The following SMG9 variants were observed in gnomAD, a reference collection of about 807,000 sequenced individuals.
The protein encoded by SMG9 is SMG9 nonsense mediated mRNA decay factor.
A neutral mutation model predicts 64.0 loss-of-function variants in SMG9; 55 were observed. The ratio of observed to expected loss-of-function variants is 0.86; its 90% CI spans 0.69 to 1.08. SMG9 has a LOEUF of 1.08. Among genes scored for constraint, SMG9 ranks in the 50% least tolerant of loss-of-function variants. The pLI is 0.00. For missense variants in SMG9, 554 were observed against 681.3 expected (o/e 0.81, Z 2.08); for synonymous variants, 244 against 254.8 (o/e 0.96, Z 0.41).
chr19:43,734,395 G>C lies in SMG9; in HGVS notation c.1096C>G (p.His366Asp). 1 of 1,553,312 alleles carries C rather than the reference G, an allele frequency of 6.4e-7. No individual in the cohort carries two copies. The highest frequency in any genetic ancestry group is 8.7e-7 in the Non-Finnish European group (1 of 1,147,690). Residue 366 changes from histidine (H) to aspartate (D), a missense_variant, in exon 10 of 14, where the codon CAC (histidine) becomes GAC (aspartate). By Grantham distance (81) the His-to-Asp change is moderately conservative. Coordinates refer to ENST00000270066, the MANE Select transcript of SMG9 (RefSeq NM_019108.4). ...TCCCCAGAAAGCCTCTCACCTAGGT[G>C]GGGGTAGTACTCGGTGCCTTCATCG... ...GSDEGTEYYP[H>D]LVFLQNKARR...
At chr19:43,732,794 G>T in intron 13 of SMG9, 64 bp downstream of exon 13, 1 of 1,593,634 alleles carries the variant, frequency 6.3e-7, no homozygotes. Context: ...TCTAAGGGAC[G>T]CCCCCTTCTC....
At position 43,754,702 on chromosome 19, in the gene SMG9, T is replaced by C. The variant is rs1274738804; in HGVS notation, c.-55A>G. The C allele has an allele frequency of 6.6e-6, 1 of 151,894 alleles. No individual in the cohort carries two copies. Among genetic ancestry groups the C allele is most frequent in the Non-Finnish European group, 1.5e-5 (1 of 67,980 alleles). The allele number at this position is 151,894 out of a possible 1,614,324, so 9.4% of individuals were successfully genotyped here. On this transcript the variant is annotated 5_prime_UTR_variant, in exon 1 of 14. Coordinates refer to ENST00000270066, the MANE Select transcript of SMG9 (RefSeq NM_019108.4). Reference sequence around the variant, plus strand: ...TCGGGGCGCGGTGTGCGCTCTCCCGTGACGGGAGTCGGGTGGGGGCGGGGA... The same window carrying C: ...TCGGGGCGCGGTGTGCGCTCTCCCGCGACGGGAGTCGGGTGGGGGCGGGGA...
In SMG9 at chr19:43,729,532, GC is replaced by G. The variant is rs1968405319; in HGVS notation, c.*2063del. 6.6e-6 allele frequency: 1 copy of G among 152,330 alleles called. No individual in the cohort carries two copies. The highest frequency in any genetic ancestry group is 1.5e-5 in the Non-Finnish European group (1 of 68,116). 9.4% of individuals were successfully genotyped at this position (152,330 alleles called of 1,614,324 possible). A position where few individuals can be genotyped will look rare whatever the true frequency, so the allele number is the denominator to read the frequency against. On this transcript the variant is annotated 3_prime_UTR_variant, in exon 14 of 14. Transcript: ENST00000270066. The stretch of plus-strand genomic sequence containing the variant: ...AGGGGCTGGGATGGAAGAAACTGAA[GC>G]TCCAACTCTCCTGGACTGAGTTGCA...
rs2146401347 is a variant in SMG9 at position 43,747,857 on chromosome 19, G to A, written c.266C>T (p.Pro89Leu). 3.1e-6 allele frequency: 5 copies of A among 1,608,204 alleles called. No individual in the cohort carries two copies. Among genetic ancestry groups the A allele is most frequent in the Middle Eastern group, 3.3e-4 (2 of 6,018 alleles). ...GGGCTTCTCCAGAGGGGCTGGAGCA[G>A]GCGGGGCAGCAGGGGCTGTTGGAGG... is the stretch of plus-strand genomic sequence containing the variant. ...PPPPTAPAAP[P>L]APAPLEKPIV... The change falls in exon 4 of 14, where the codon CCT becomes CTT. Residue 89 changes from proline (P) to leucine (L), a missense_variant. Pro to Leu is a moderately conservative substitution (Grantham distance 98, BLOSUM62 -3). Transcript: ENST00000270066.
chr19:43,742,372 C>A (rs1316880004), intron 6 of SMG9, among the ~76,000 whole-genome samples: 1 of 152,040 alleles, frequency 6.6e-6, no homozygotes, highest in Non-Finnish European at 1.5e-5. Flanking sequence ...CAGGTCAAGG[C>A]TGCAGTGAAG....
intron 6 of SMG9, 85 bp from the exon 7 acceptor site, chr19:43,740,303 A>T: frequency 7.8e-5 from 69 of 889,864 alleles, no homozygotes; most frequent in Non-Finnish European, 9.2e-5. Context: ...TGAGCTGAGC[A>T]TGTGAGCCGT....
chr19:43,728,556 A>C lies in SMG9; in HGVS notation c.*3040T>G, dbSNP rs184968685. The C allele has an allele frequency of 2.0e-5, 3 of 152,332 alleles. No individual in the cohort carries two copies. The East Asian group carries it at 5.8e-4, about 29-fold the overall frequency. The allele number at this position is 152,332 out of a possible 1,614,324, so 9.4% of individuals were successfully genotyped here. On this transcript the variant is annotated 3_prime_UTR_variant, in exon 14 of 14. Transcript: ENST00000270066. Reference sequence around the variant, plus strand: ...CTAAAACAGACACCATTATGAACTCAATTAATCACCACAACACCCCTAGGA... The same window carrying C: ...CTAAAACAGACACCATTATGAACTCCATTAATCACCACAACACCCCTAGGA...
intron 6 of SMG9, among the ~76,000 whole-genome samples, chr19:43,742,040 C>T (rs1170576671): frequency 5.9e-5 from 9 of 152,040 alleles, no homozygotes; most frequent in African/African-American, 2.2e-4. Context: ...CCCAGCTACT[C>T]GGGAGGCTGA....
chr19:43,752,911 A>AT lies in SMG9; in HGVS notation c.-7+1742_-7+1743insA, dbSNP rs1969233110. Among the ~76,000 whole-genome samples the AT allele has an allele frequency of 2.6e-5, 4 of 151,214 alleles. No homozygotes were observed. The South Asian group carries it at 8.3e-4, about 31-fold the overall frequency. On this transcript the variant is annotated intron_variant, in intron 1 of 13. Transcript: ENST00000270066. ...AAAGCAAGACCCTGTCTAAAAAAAA[A>AT]AAAAAGCAGAACCCTGTCTCAAAAA... is the stretch of plus-strand genomic sequence containing the variant.
intron 7 of SMG9, 42 bp from the exon 8 acceptor site, chr19:43,738,259 G>C (rs181163601): frequency 1.2e-5 from 19 of 1,554,266 alleles, no homozygotes; most frequent in Middle Eastern, 3.4e-4. Flanking sequence ...AGATACCCAA[G>C]TTTCACACGC....
At chr19:43,744,448 T>C (rs1204211232) in intron 6 of SMG9, among the ~76,000 whole-genome samples, 2 of 152,166 alleles carry the variant, frequency 1.3e-5, no homozygotes, top group East Asian at 3.9e-4. Flanking sequence ...CAACCAGTTA[T>C]GTTGCAGGGC....
At chr19:43,748,119 G>C in intron 2 of SMG9, 67 bp from the exon 3 acceptor site, 5 of 1,521,794 alleles carry the variant, frequency 3.3e-6, no homozygotes, top group Admixed American at 2.1e-5. Flanking sequence ...TATGTACCAT[G>C]AACTATTCTA....
intron 6 of SMG9, among the ~76,000 whole-genome samples, chr19:43,742,720 C>T (rs796842296): frequency 1.8e-4 from 28 of 152,142 alleles, no homozygotes; most frequent in African/African-American, 6.3e-4. Flanking sequence ...CTCTTGGTAT[C>T]CTGCATGTAA....
rs369232481 is a variant in SMG9 at position 43,740,235 on chromosome 19, G to C, written c.702-17C>G. The stretch of plus-strand genomic sequence containing the variant: ...ACATAAGTCCTGTGGAGAGGAGCAG[G>C]CAGGGGTGTGTGAGAGCTCTGGTTC... On this transcript the variant is annotated splice_polypyrimidine_tract_variant and intron_variant, in intron 6 of 13. Coordinates refer to ENST00000270066, the MANE Select transcript of SMG9 (RefSeq NM_019108.4). 6.4e-7 allele frequency: 1 copy of C among 1,571,470 alleles called. No homozygotes were observed. Among genetic ancestry groups the C allele is most frequent in the African/African-American group, 1.4e-5 (1 of 74,030 alleles).
chr19:43,734,760 C>T (rs1041767725), intron 9 of SMG9: 3 of 348,316 alleles, frequency 8.6e-6, no homozygotes, highest in Non-Finnish European at 1.6e-5. Context: ...TTTAGGTTCA[C>T]AGCAAAACTG....
chr19:43,748,713 C>A, intron 2 of SMG9: 1 of 520,204 alleles, frequency 1.9e-6, no homozygotes, highest in Non-Finnish European at 3.8e-6. Context: ...AAATCTGAGT[C>A]TGAGTCCCGT....
At chr19:43,740,347 T>G in intron 6 of SMG9, 129 bp from the exon 7 acceptor site, 69 of 660,842 alleles carry the variant, frequency 1.0e-4, no homozygotes, top group East Asian at 1.2e-4. Context: ...TTTTCATCTG[T>G]GGCCCATGTC....
chr19:43,741,311 C>T (rs1274035455), intron 6 of SMG9, among the ~76,000 whole-genome samples: 2 of 152,036 alleles, frequency 1.3e-5, no homozygotes, highest in African/African-American at 2.4e-5. Flanking sequence ...GGGGGATGGA[C>T]GCAGAGGAAG....
At chr19:43,744,173 G>C (rs912803510) in intron 6 of SMG9, among the ~76,000 whole-genome samples, 7 of 152,236 alleles carry the variant, frequency 4.6e-5, no homozygotes, top group Admixed American at 3.3e-4. Flanking sequence ...GTTCAGGCCA[G>C]AGAATCCTCA....
Sources: gnomAD v4.1 joint callset for allele counts (sites outside exome capture counted in the v4.1 genomes callset) on GRCh38, gnomAD v4.1.1 for gene constraint, MANE v1.5 for transcripts, NCBI Gene and HGNC (gene_info 2026-07-23, HGNC 2026-07-21) for gene names.